POLA2: variants seen among roughly 807,000 people sequenced by gnomAD.
The protein encoded by POLA2 is DNA polymerase alpha 2, accessory subunit, also known as DNA polymerase alpha subunit B.
In POLA2, 47 loss-of-function variants were observed where a neutral mutation model predicts 82.8. The ratio of observed to expected loss-of-function variants is 0.57; its 90% confidence interval spans 0.45 to 0.72. POLA2 has a LOEUF of 0.72. Among genes scored for constraint, POLA2 ranks in the 30% least tolerant of loss-of-function variants. POLA2 has a pLI of 0.00. For missense variants in POLA2, 634 were observed against 728.1 expected (o/e 0.87, Z 1.49); for synonymous variants, 287 against 286.8 (o/e 1.00, Z -0.01).
At chr11:65,295,441 A>G (rs1016481683) in intron 15 of POLA2, 99 bp from the exon 16 acceptor site, 51 of 1,080,218 alleles carry the variant, frequency 4.7e-5, no homozygotes, top group Non-Finnish European at 6.4e-5. Flanking sequence ...TGCCTTGGCC[A>G]TTTACCTTCT....
downstream of POLA2, among the ~76,000 whole-genome samples, chr11:65,303,329 G>A (rs1272390905): frequency 4.2e-5 from 6 of 142,078 alleles, no homozygotes; most frequent in African/African-American, 1.3e-4. Context: ...GCAACGGAGT[G>A]AGACTCTGTC....
chr11:65,289,857 T>C lies in POLA2; in HGVS notation c.1229T>C (p.Ile410Thr). 1.2e-6 allele frequency: 2 copies of C among 1,606,494 alleles called. No homozygotes were observed. The highest frequency in any genetic ancestry group is 2.7e-5 in the African/African-American group (2 of 74,890). The change falls in exon 13 of 18, where the codon ATT becomes ACT. Residue 410 changes from isoleucine to threonine, a missense_variant. By Grantham distance (89) the Ile-to-Thr change is moderately conservative (BLOSUM62 -1). Coordinates refer to ENST00000265465, the MANE Select transcript of POLA2 (RefSeq NM_002689.4). Reference protein sequence around the residue: ...DIFKQCLRTIIEGTRSSGSHL... With the variant: ...DIFKQCLRTITEGTRSSGSHL... ...TTCAAGCAGTGTCTACGAACAATTATTGAAGGCACAAGAAGGTCAGATTTC... is the reference window on the plus strand; with the variant it reads ...TTCAAGCAGTGTCTACGAACAATTACTGAAGGCACAAGAAGGTCAGATTTC...
intron 12 of POLA2, 122 bp from the exon 13 acceptor site, chr11:65,289,677 C>T (rs1949733850): frequency 3.2e-6 from 2 of 627,374 alleles, no homozygotes; most frequent in Admixed American, 2.8e-5. Context: ...TCTTTTTCAT[C>T]TTTGCGTCTC....
chr11:65,288,976 A>T lies in POLA2; in HGVS notation c.1132-74A>T, dbSNP rs1037546211. 3 of 1,331,070 alleles carry T rather than the reference A, an allele frequency of 2.3e-6. No individual in the cohort carries two copies. In the Admixed American group the frequency reaches 5.1e-5, roughly 23 times the overall value. 82.5% of individuals were successfully genotyped at this position (1,331,070 alleles called of 1,614,324 possible). A position where few individuals can be genotyped will look rare whatever the true frequency, so the allele number is the denominator to read the frequency against. On this transcript the variant is annotated intron_variant, in intron 11 of 17. Transcript: ENST00000265465. ...GCCCTCCACAGAGAACTGCCAGAGGAGGTATCTGAAGTCATTCACAGACAC... is the reference window on the plus strand; with the variant it reads ...GCCCTCCACAGAGAACTGCCAGAGGTGGTATCTGAAGTCATTCACAGACAC...
intron 7 of POLA2, 75 bp downstream of exon 7, chr11:65,279,701 C>G (rs1463849398): frequency 5.9e-6 from 6 of 1,022,460 alleles, no homozygotes; most frequent in Non-Finnish European, 9.0e-6. Context: ...ATCCTTCTTG[C>G]TTCCTTTTTC....
intron 10 of POLA2, 54 bp downstream of exon 10, chr11:65,282,575 TC>T: frequency 6.9e-7 from 1 of 1,455,216 alleles, no homozygotes; most frequent in Non-Finnish European, 9.7e-7. Context: ...TAGACATGAG[TC>T]CAGGAGTGCA....
At chr11:65,294,315 C>A in intron 14 of POLA2, 54 bp downstream of exon 14, 4 of 1,405,026 alleles carry the variant, frequency 2.8e-6, no homozygotes, top group Non-Finnish European at 3.0e-6. Flanking sequence ...CATGCCTCTG[C>A]CACTAGCTCT....
Position 65,296,006 on chromosome 11 carries a change from G to C in POLA2, c.1647+16G>C, listed in dbSNP as rs767352246. The C allele has an allele frequency of 5.0e-6, 8 of 1,613,886 alleles. No homozygotes were observed. The East Asian group carries it at 1.6e-4, about 31-fold the overall frequency. Reference sequence around the variant, plus strand: ...CTTCGTGAAGGTAGGTTTGAACTCTGCTTTTTCCCAGAAACACCAGAACCC... The same window carrying C: ...CTTCGTGAAGGTAGGTTTGAACTCTCCTTTTTCCCAGAAACACCAGAACCC... On this transcript the variant is annotated intron_variant, in intron 17 of 17. Transcript: ENST00000265465.
chr11:65,288,754 A>G (rs1732775514), intron 11 of POLA2, among the ~76,000 whole-genome samples: 1 of 152,174 alleles, frequency 6.6e-6, no homozygotes, highest in South Asian at 2.1e-4. Context: ...TCCTGGGCTC[A>G]GGCAATCTGC....
At chr11:65,299,848 C>T (rs1029643607), downstream of POLA2, among the ~76,000 whole-genome samples, 24 of 152,230 alleles carry the variant, frequency 1.6e-4, no homozygotes, top group African/African-American at 4.8e-4. Context: ...CCTGCCACCA[C>T]GCCCAGCTAA....
rs769214728 is a variant in POLA2, at chr11:65,278,918, G to A, written c.650G>A (p.Arg217Gln). The A allele has an allele frequency of 1.1e-5, 17 of 1,612,688 alleles. No individual in the cohort carries two copies. The highest frequency in any genetic ancestry group is 1.3e-5 in the African/African-American group (1 of 74,864). ...KSMFQKLPDIREVLTCKIEEL... is the reference protein window; with the variant it reads ...KSMFQKLPDIQEVLTCKIEEL... ...ATGTTTCAGAAGCTCCCAGACATTCGAGAAGGTGATTGTTTTTCCCTTTGA... is the reference window on the plus strand; with the variant it reads ...ATGTTTCAGAAGCTCCCAGACATTCAAGAAGGTGATTGTTTTTCCCTTTGA... The change falls in exon 6 of 18, where the codon CGA becomes CAA. Residue 217 changes from arginine (R) to glutamine (Q), a missense_variant. Transcript: ENST00000265465.
chr11:65,289,799 A>G lies in POLA2; in HGVS notation c.1171A>G (p.Asn391Asp). 1 of 1,599,886 alleles carries G rather than the reference A, an allele frequency of 6.3e-7. No individual in the cohort carries two copies. Among genetic ancestry groups the G allele is most frequent in the Non-Finnish European group, 8.6e-7 (1 of 1,167,354 alleles). ...FLDAKHEQVE[N>D]CLLTSPFEDI... ...ATCTGTCTCCTTTCCTTTCTTGCAGAATTGTCTACTGACAAGTCCATTTGA... is the reference window on the plus strand; with the variant it reads ...ATCTGTCTCCTTTCCTTTCTTGCAGGATTGTCTACTGACAAGTCCATTTGA... Residue 391 changes from asparagine to aspartate, a missense_variant and splice_region_variant, in exon 13 of 18, where the codon AAT (asparagine) becomes GAT (aspartate). Transcript: ENST00000265465.
chr11:65,277,141 AAGGTG>A (rs1488296369), intron 5 of POLA2, among the ~76,000 whole-genome samples: 1 of 150,692 alleles, frequency 6.6e-6, no homozygotes, highest in Non-Finnish European at 1.5e-5. Flanking sequence ...GCAGTCATTC[AAGGTG>A]AGTGGTCATT....
At position 65,297,309 on chromosome 11, in the gene POLA2, A is replaced by C; in HGVS notation, c.*40A>C. ...GCTGTTCTCTGCTGTGTGGGCCCTT[A>C]AAGTCTTAGCCAAGAGCCAAGACAT... On this transcript the variant is annotated 3_prime_UTR_variant, in exon 18 of 18. Coordinates refer to ENST00000265465, the MANE Select transcript of POLA2 (RefSeq NM_002689.4). 2 of 1,536,834 alleles carry C rather than the reference A, an allele frequency of 1.3e-6. No homozygotes were observed. The highest frequency in any genetic ancestry group is 1.7e-6 in the Non-Finnish European group (2 of 1,143,936).
At chr11:65,293,608 C>CAAAA (rs35492423) in intron 13 of POLA2, among the ~76,000 whole-genome samples, 2 of 73,580 alleles carry the variant, frequency 2.7e-5, no homozygotes, top group South Asian at 4.3e-4. Flanking sequence ...GGCTCTGTCT[C>CAAAA]AAAAAAAAAA....
intron 10 of POLA2, among the ~76,000 whole-genome samples, chr11:65,287,053 T>C (rs539308939): frequency 1.3e-5 from 2 of 152,064 alleles, no homozygotes; most frequent in Non-Finnish European, 2.9e-5. Flanking sequence ...GGGAGGAGAG[T>C]GTGAATGGCC....
intron 10 of POLA2, among the ~76,000 whole-genome samples, chr11:65,284,521 GT>G (rs1377231487): frequency 1.4e-4 from 20 of 142,580 alleles, no homozygotes; most frequent in East Asian, 4.1e-4. Context: ...TCAAGGCATT[GT>G]TTTTTTTTTC....
chr11:65,296,366 C>T, intron 17 of POLA2: 1 of 212,900 alleles, frequency 4.7e-6, no homozygotes, highest in Non-Finnish European at 9.8e-6. Flanking sequence ...GCTGGGAATA[C>T]CTTGAAGAAG....
In POLA2 at chr11:65,275,937, A is replaced by G. The variant is rs1330803207; in HGVS notation, c.400A>G (p.Lys134Glu). 1 of 1,609,308 alleles carries G rather than the reference A, an allele frequency of 6.2e-7. No individual in the cohort carries two copies. Among genetic ancestry groups the G allele is most frequent in the Non-Finnish European group, 8.5e-7 (1 of 1,177,992 alleles). The change falls in exon 5 of 18, where the codon AAA becomes GAA. Residue 134 changes from lysine (K) to glutamate (E), a missense_variant. Coordinates refer to ENST00000265465, the MANE Select transcript of POLA2 (RefSeq NM_002689.4). ...CTCTACCCCAGAAACCCCCCTAACAAAAAGGAGTGTGTCAACTCGTAGCCC... is the reference window on the plus strand; with the variant it reads ...CTCTACCCCAGAAACCCCCCTAACAGAAAGGAGTGTGTCAACTCGTAGCCC... ...AISTPETPLTKRSVSTRSPHQ... is the reference protein window; with the variant it reads ...AISTPETPLTERSVSTRSPHQ...
Sources: gnomAD v4.1 joint callset for allele counts (sites outside exome capture counted in the v4.1 genomes callset) on GRCh38, gnomAD v4.1.1 for gene constraint, MANE v1.5 for transcripts, NCBI Gene and HGNC (gene_info 2026-07-23, HGNC 2026-07-21) for gene names.